Variants in MTUS2 observed in about 807,000 individuals in gnomAD.
MTUS2 encodes microtubule-associated tumor suppressor candidate 2.
A neutral mutation model predicts 114.1 loss-of-function variants in MTUS2; 40 were observed. The ratio of observed to expected loss-of-function variants is 0.35; its 90% CI spans 0.27 to 0.46. The LOEUF (loss-of-function observed/expected upper bound fraction) is 0.46. Ranked by LOEUF, MTUS2 falls within the 20% of genes least tolerant of loss-of-function variation. The pLI is 1.00. For synonymous variants in MTUS2, 688 were observed against 672.0 expected, an observed-to-expected ratio of 1.02 and a Z score of -0.37; for missense variants, 1,679 against 1,705.4, an observed-to-expected ratio of 0.98 and a Z score of 0.27.
intron 5 of MTUS2, among the ~76,000 whole-genome samples, chr13:29,194,783 G>A (rs902130004): frequency 6.6e-6 from 1 of 152,062 alleles, no homozygotes; most frequent in Non-Finnish European, 1.5e-5. Context: ...CTGCTATAAA[G>A]ACACATGCAC....
chr13:29,428,661 T>C (rs1876749809), intron 8 of MTUS2: 1 of 1,118,132 alleles, frequency 8.9e-7, no homozygotes, highest in Non-Finnish European at 1.1e-6. Flanking sequence ...CTCCTCCTCC[T>C]CTCATTCCTC....
chr13:29,336,592 G>T (rs1225192629), intron 7 of MTUS2, among the ~76,000 whole-genome samples: 1 of 152,180 alleles, frequency 6.6e-6, no homozygotes, highest in South Asian at 2.1e-4. Flanking sequence ...CTGCTGGGAG[G>T]TATCTCCCAG....
chr13:28,941,762 C>T (rs1402575651), intron 2 of MTUS2, among the ~76,000 whole-genome samples: 2 of 151,714 alleles, frequency 1.3e-5, no homozygotes, highest in Non-Finnish European at 2.9e-5. Flanking sequence ...TTAAGCTTAC[C>T]TGCAAAGTAG....
At chr13:28,982,612 A>G (rs1884408957) in intron 2 of MTUS2, among the ~76,000 whole-genome samples, 1 of 152,228 alleles carries the variant, frequency 6.6e-6, no homozygotes, top group Non-Finnish European at 1.5e-5. Context: ...AAGAGATAGA[A>G]GCAACCTAAC....
intron 7 of MTUS2, among the ~76,000 whole-genome samples, chr13:29,348,366 C>G (rs9508399): frequency 0.73 from 110,436 of 151,422 alleles, 44,345 homozygotes; most frequent in East Asian, 0.9. Context: ...AAGTGCAAGG[C>G]TTTTAGGAGC....
chr13:29,007,338 A>T (rs1256985290), intron 2 of MTUS2, among the ~76,000 whole-genome samples: 1 of 152,168 alleles, frequency 6.6e-6, no homozygotes, highest in Non-Finnish European at 1.5e-5. Flanking sequence ...CCCAGAGGCA[A>T]CAGATATCAA....
intron 7 of MTUS2, among the ~76,000 whole-genome samples, chr13:29,354,986 T>A (rs962830767): frequency 1.3e-5 from 2 of 152,230 alleles, no homozygotes; most frequent in African/African-American, 4.8e-5. Flanking sequence ...CTATAATTCT[T>A]TGCCTTCTTA....
chr13:28,828,989 A>G (rs575711287), intron 1 of MTUS2, among the ~76,000 whole-genome samples: 1 of 152,222 alleles, frequency 6.6e-6, no homozygotes, highest in Admixed American at 6.5e-5. Flanking sequence ...CTTGGAACAC[A>G]TCTGAATTAT....
At chr13:29,086,521 T>C (rs1169619769) in intron 4 of MTUS2, among the ~76,000 whole-genome samples, 4 of 152,238 alleles carry the variant, frequency 2.6e-5, no homozygotes, top group Non-Finnish European at 5.9e-5. Context: ...TTTTGGTTAC[T>C]ATATTCTTGT....
At chr13:29,104,196 T>C (rs1458101422) in intron 5 of MTUS2, among the ~76,000 whole-genome samples, 1 of 152,190 alleles carries the variant, frequency 6.6e-6, no homozygotes, top group Non-Finnish European at 1.5e-5. Context: ...CACAAGGTTG[T>C]GGCAAACAAG....
At chr13:29,301,358 G>T (rs1024518158) in intron 6 of MTUS2, among the ~76,000 whole-genome samples, 4 of 152,184 alleles carry the variant, frequency 2.6e-5, no homozygotes, top group Non-Finnish European at 5.9e-5. Flanking sequence ...GCCTGCCTTA[G>T]CTGCCAGCAT....
In MTUS2 at chr13:29,480,046, C is replaced by A; in HGVS notation, c.3185-104C>A. The A allele has an allele frequency of 5.1e-6, 6 of 1,174,660 alleles. No homozygotes were observed. Among genetic ancestry groups the A allele is most frequent in the Non-Finnish European group, 7.3e-6 (6 of 827,132 alleles). The allele number at this position is 1,174,660 out of a possible 1,614,324, so 72.8% of individuals were successfully genotyped here. ...GCCCTGCAGAAGTCAGAGGACCTCG[C>A]CCTGTTTATTACGCCAGCCTTGATG... On this transcript the variant is annotated intron_variant, in intron 9 of 15. Transcript: ENST00000612955. This position sits in a 1 kb window ranked among gnomAD's most constrained non-coding sequence, Gnocchi z 4.4.
At chr13:29,453,160 A>C (rs1241156982) in intron 9 of MTUS2, among the ~76,000 whole-genome samples, 1 of 152,240 alleles carries the variant, frequency 6.6e-6, no homozygotes, top group East Asian at 1.9e-4. Flanking sequence ...GGTGTCTGAG[A>C]GAAGATAATA....
chr13:29,072,214 A>G (rs907100064), intron 4 of MTUS2: 4 of 152,140 alleles, frequency 2.6e-5, no homozygotes, highest in Non-Finnish European at 5.9e-5. Context: ...CTAGGTTTAA[A>G]TATGCAGAGT....
chr13:29,450,172 C>A (rs576972468), intron 9 of MTUS2, among the ~76,000 whole-genome samples: 4 of 152,270 alleles, frequency 2.6e-5, no homozygotes, highest in Admixed American at 1.3e-4. Context: ...AGGAACTGCA[C>A]TTGACTATAC....
chr13:29,237,201 A>G (rs1174306870), intron 5 of MTUS2, among the ~76,000 whole-genome samples: 1 of 152,100 alleles, frequency 6.6e-6, no homozygotes, highest in Non-Finnish European at 1.5e-5. Flanking sequence ...GAATCTTTTG[A>G]CTATGGGCTC....
intron 2 of MTUS2, among the ~76,000 whole-genome samples, chr13:29,009,352 C>CACTATT (rs61651172): frequency 0.5 from 76,036 of 150,978 alleles, 19,261 homozygotes; most frequent in South Asian, 0.72. Flanking sequence ...ATGTATTGTA[C>CACTATT]ACTATTAACT....
intron 2 of MTUS2, among the ~76,000 whole-genome samples, chr13:29,014,958 A>T (rs1003869806): frequency 6.6e-6 from 1 of 152,218 alleles, no homozygotes; most frequent in East Asian, 1.9e-4. Context: ...CATAGAAAGG[A>T]ACAAACCACT....
Position 28,938,591 on chromosome 13 carries a change from A to C in MTUS2, c.-242-85866A>C, listed in dbSNP as rs116571192. Among the ~76,000 whole-genome samples, 1,330 of 152,126 alleles carry C rather than the reference A, an allele frequency of 8.7e-3. 17 individuals are homozygous for C. The highest frequency in any genetic ancestry group is 0.031 in the African/African-American group (1,277 of 41,500). ...TTTTATATTAAAAATAATTTTGCCTAATTTTTCTTGCTTACTAACATGTGG... is the reference window on the plus strand; with the variant it reads ...TTTTATATTAAAAATAATTTTGCCTCATTTTTCTTGCTTACTAACATGTGG... On this transcript the variant is annotated intron_variant, in intron 2 of 15. Transcript: ENST00000612955.
Sources: allele counts gnomAD v4.1 joint callset (sites outside exome capture counted in the v4.1 genomes callset), GRCh38; gene constraint gnomAD v4.1.1; non-coding constraint Gnocchi (gnomAD v3.1); transcripts MANE v1.5; gene names NCBI Gene and HGNC (gene_info 2026-07-23, HGNC 2026-07-21).